Variants in PALLD observed in about 807,000 individuals in gnomAD.
The protein encoded by PALLD is palladin, cytoskeletal associated protein.
PALLD carries 61 observed loss-of-function variants against 123.5 expected under a neutral mutation model. That is an observed-to-expected ratio of 0.49 (90% CI 0.40 to 0.61). PALLD has a LOEUF of 0.61. Among genes scored for constraint, PALLD ranks in the 20% least tolerant of loss-of-function variants. The pLI, the probability that PALLD is intolerant of heterozygous loss-of-function variation, is 0.00. For synonymous variants in PALLD, 465 were observed against 496.4 expected, an observed-to-expected ratio of 0.94 and a Z score of 0.84; for missense variants, 1,273 against 1,377.0, an observed-to-expected ratio of 0.92 and a Z score of 1.20.
At chr4:168,755,048 C>A (rs1044435818) in intron 10 of PALLD, among the ~76,000 whole-genome samples, 1 of 151,930 alleles carries the variant, frequency 6.6e-6, no homozygotes, top group Non-Finnish European at 1.5e-5. Context: ...CTGGCTAACA[C>A]GGTGAAACCC....
rs558791901 is a variant in PALLD, at chr4:168,524,591, G to A, written c.908+12179G>A. Among the ~76,000 whole-genome samples the A allele has an allele frequency of 8.5e-5, 13 of 152,128 alleles. No homozygotes were observed. In the East Asian group the frequency reaches 1.9e-3, roughly 23 times the overall value. ...AGTATCCCTCCCCTAGAGCATTAAC[G>A]AATCTGTACATTTTAACTGCTATAC... On this transcript the variant is annotated intron_variant, in intron 2 of 21. Coordinates refer to ENST00000505667, the MANE Select transcript of PALLD (RefSeq NM_001166108.2).
At chr4:168,827,337 T>G (rs952749823) in intron 10 of PALLD, among the ~76,000 whole-genome samples, 1 of 152,266 alleles carries the variant, frequency 6.6e-6, no homozygotes, top group Admixed American at 6.5e-5. Context: ...AGGCTGAGCC[T>G]CTTTAGAATA....
intron 14 of PALLD, among the ~76,000 whole-genome samples, chr4:168,901,823 ACT>A (rs758669930): frequency 2.0e-5 from 3 of 152,182 alleles, no homozygotes; most frequent in Non-Finnish European, 4.4e-5. Flanking sequence ...ACACCACTGC[ACT>A]CTCTAGCCTG....
chr4:168,714,751 C>T (rs373332272), intron 10 of PALLD, among the ~76,000 whole-genome samples: 48 of 151,766 alleles, frequency 3.2e-4, no homozygotes, highest in South Asian at 3.1e-3. Context: ...GGAAACAATT[C>T]GGAGGGCGCA....
At chr4:168,586,796 A>C (rs1210695482) in intron 2 of PALLD, among the ~76,000 whole-genome samples, 1 of 152,092 alleles carries the variant, frequency 6.6e-6, no homozygotes, top group Non-Finnish European at 1.5e-5. Context: ...CCAAATCATC[A>C]TCAGTTCAGT....
intron 2 of PALLD, among the ~76,000 whole-genome samples, chr4:168,610,899 C>T (rs1444424548): frequency 6.6e-6 from 1 of 152,182 alleles, no homozygotes; most frequent in Non-Finnish European, 1.5e-5. Flanking sequence ...TACAGGGTGA[C>T]CTCTTTGCCA....
intron 2 of PALLD, among the ~76,000 whole-genome samples, chr4:168,563,859 A>C (rs908716196): frequency 2.2e-4 from 33 of 152,234 alleles, no homozygotes; most frequent in African/African-American, 7.7e-4. Context: ...AAACATTTTT[A>C]ATAAAAACTT....
chr4:168,906,118 G>T (rs565878012), intron 15 of PALLD, among the ~76,000 whole-genome samples: 2 of 152,016 alleles, frequency 1.3e-5, no homozygotes, highest in Non-Finnish European at 2.9e-5. Flanking sequence ...ATTTTTCTTC[G>T]TGTTGGGTCA....
chr4:168,877,977 C>G lies in PALLD; in HGVS notation c.1965-12945C>G. The G allele has an allele frequency of 2.7e-6, 4 of 1,502,022 alleles. No individual in the cohort carries two copies. Among genetic ancestry groups the G allele is most frequent in the Non-Finnish European group, 3.5e-6 (4 of 1,131,070 alleles). 93.0% of individuals were successfully genotyped at this position (1,502,022 alleles called of 1,614,324 possible). A position where few individuals can be genotyped will look rare whatever the true frequency, so the allele number is the denominator to read the frequency against. On this transcript the variant is annotated intron_variant, in intron 10 of 21. Transcript: ENST00000505667. ...GCGCGCCCCAAGCAGTTCATCGCCG[C>G]GCAGAACCTCGGGCCCGCGTCGGGC... is the stretch of plus-strand genomic sequence containing the variant.
chr4:168,902,977 G>T (rs904536588), intron 14 of PALLD, among the ~76,000 whole-genome samples: 27 of 151,998 alleles, frequency 1.8e-4, no homozygotes, highest in African/African-American at 6.3e-4. Context: ...TGCCCAGGCT[G>T]GTCTTGAATT....
rs1775846305 is a variant in PALLD, at chr4:168,631,827, A to G, written c.909-36363A>G. On this transcript the variant is annotated intron_variant, in intron 2 of 21. Coordinates refer to ENST00000505667, the MANE Select transcript of PALLD (RefSeq NM_001166108.2). ...AGAGCCCAGAAGTTGCAAGCTGGGA[A>G]TAAGCGAGATCTGAAAGACCCCCAA... 5.1e-6 allele frequency: 5 copies of G among 985,370 alleles called. No individual in the cohort carries two copies. The South Asian group carries it at 1.9e-4, about 37-fold the overall frequency. The allele number at this position is 985,370 out of a possible 1,614,324, so 61.0% of individuals were successfully genotyped here.
At chr4:168,739,908 G>A (rs1030164626) in intron 10 of PALLD, among the ~76,000 whole-genome samples, 3 of 152,226 alleles carry the variant, frequency 2.0e-5, no homozygotes, top group East Asian at 3.9e-4. Flanking sequence ...TTTCACACTC[G>A]TAGCATGTAT....
intron 10 of PALLD, among the ~76,000 whole-genome samples, chr4:168,714,422 C>G (rs1301286313): frequency 6.6e-6 from 1 of 152,122 alleles, no homozygotes; most frequent in Non-Finnish European, 1.5e-5. Context: ...GTTCAGTGTT[C>G]TCAAAGTTGT....
intron 2 of PALLD, among the ~76,000 whole-genome samples, chr4:168,649,912 C>T (rs1777863111): frequency 6.6e-6 from 1 of 152,108 alleles, no homozygotes. Flanking sequence ...GGCATGGTGG[C>T]TCACGCCTGT....
At chr4:168,650,317 A>G (rs1777910224) in intron 2 of PALLD, among the ~76,000 whole-genome samples, 1 of 152,244 alleles carries the variant, frequency 6.6e-6, no homozygotes, top group South Asian at 2.1e-4. Flanking sequence ...TCCTCTCAAG[A>G]TAAGTTACAA....
intron 2 of PALLD, among the ~76,000 whole-genome samples, chr4:168,635,466 A>G (rs1188158046): frequency 1.3e-5 from 2 of 152,226 alleles, no homozygotes; most frequent in African/African-American, 2.4e-5. Context: ...ACAGGTTCCC[A>G]AATCTCTGTC....
At chr4:168,588,192 T>C (rs866908513) in intron 2 of PALLD, among the ~76,000 whole-genome samples, 1 of 152,022 alleles carries the variant, frequency 6.6e-6, no homozygotes, top group East Asian at 1.9e-4. Context: ...CCTACCAGGA[T>C]CACTGTGAGC....
intron 2 of PALLD, chr4:168,598,128 T>C (rs1159135826): frequency 6.1e-6 from 1 of 163,000 alleles, no homozygotes; most frequent in African/African-American, 2.4e-5. Flanking sequence ...ATGTATAATA[T>C]TTATATTATT....
At chr4:168,916,837 A>G (rs1217230510) in intron 17 of PALLD, among the ~76,000 whole-genome samples, 1 of 151,098 alleles carries the variant, frequency 6.6e-6, no homozygotes, top group African/African-American at 2.4e-5. Context: ...GGCCCAGCTA[A>G]TTTTTGTATT....
Sources: allele counts gnomAD v4.1 joint callset (sites outside exome capture counted in the v4.1 genomes callset), GRCh38; gene constraint gnomAD v4.1.1; transcripts MANE v1.5; gene names NCBI Gene and HGNC (gene_info 2026-07-23, HGNC 2026-07-21).